Variants in DNER observed in about 807,000 individuals in gnomAD.
DNER encodes delta/notch like EGF repeat containing.
In DNER, 33 loss-of-function variants were observed where a neutral mutation model predicts 78.2. The observed-to-expected ratio is 0.42, with a 90% confidence interval of 0.32 to 0.56. The LOEUF is 0.56. Ranked by LOEUF, DNER falls within the 20% of genes least tolerant of loss-of-function variation. DNER has a pLI of 0.11. For missense variants in DNER, 918 were observed against 975.3 expected, an observed-to-expected ratio of 0.94 and a Z score of 0.78; for synonymous variants, 417 against 384.8, an observed-to-expected ratio of 1.08 and a Z score of -0.98.
chr2:229,445,932 G>C (rs963390994), intron 8 of DNER, among the ~76,000 whole-genome samples: 1 of 152,202 alleles, frequency 6.6e-6, no homozygotes, highest in African/African-American at 2.4e-5. Context: ...GGAATTAAGA[G>C]TCTATGTGAA....
chr2:229,522,259 A>T (rs1696114320), intron 5 of DNER, among the ~76,000 whole-genome samples: 1 of 152,188 alleles, frequency 6.6e-6, no homozygotes, highest in Non-Finnish European at 1.5e-5. Flanking sequence ...TCTTCCTAAA[A>T]CTAGATATGT....
chr2:229,616,847 C>T (rs1032166251), intron 1 of DNER, among the ~76,000 whole-genome samples: 1 of 152,218 alleles, frequency 6.6e-6, no homozygotes, highest in African/African-American at 2.4e-5. Context: ...TGGTGTTTAT[C>T]TGGACACGTG....
chr2:229,585,302 C>A (rs540687782), intron 4 of DNER, among the ~76,000 whole-genome samples: 1 of 152,354 alleles, frequency 6.6e-6, no homozygotes, highest in East Asian at 1.9e-4. Flanking sequence ...GATGCCTTCG[C>A]CAGGGCTGGA....
intron 1 of DNER, among the ~76,000 whole-genome samples, chr2:229,673,844 A>G (rs902805522): frequency 1.3e-4 from 20 of 152,234 alleles, no homozygotes; most frequent in African/African-American, 4.8e-4. Context: ...TCTGAGGCTG[A>G]CGCATACGGA....
chr2:229,551,985 T>C (rs1444901734), intron 4 of DNER, among the ~76,000 whole-genome samples: 1 of 151,734 alleles, frequency 6.6e-6, no homozygotes, highest in South Asian at 2.1e-4. Context: ...TATACAAATA[T>C]ATGTAGTGTG....
intron 12 of DNER, among the ~76,000 whole-genome samples, chr2:229,364,020 CAG>C (rs1231664069): frequency 2.0e-5 from 2 of 97,810 alleles, no homozygotes; most frequent in African/African-American, 8.2e-5. Flanking sequence ...TTTTCTGAGA[CAG>C]AGTCTCCCTC....
chr2:229,568,472 G>A (rs766657448), intron 4 of DNER, among the ~76,000 whole-genome samples: 16 of 152,110 alleles, frequency 1.1e-4, no homozygotes, highest in Non-Finnish European at 1.9e-4. Context: ...CTTATTTGTA[G>A]GAGTCAATCA....
chr2:229,617,004 TGAA>T (rs1411886288), intron 1 of DNER, among the ~76,000 whole-genome samples: 2 of 152,172 alleles, frequency 1.3e-5, no homozygotes, highest in African/African-American at 4.8e-5. Context: ...GCGCATCCAC[TGAA>T]GAAGAACCGA....
chr2:229,568,463 T>C (rs1233414654), intron 4 of DNER, among the ~76,000 whole-genome samples: 1 of 152,224 alleles, frequency 6.6e-6, no homozygotes, highest in Non-Finnish European at 1.5e-5. Context: ...GGATTCAGGC[T>C]TATTTGTAGG....
At chr2:229,422,792 G>A (rs1693794519) in intron 8 of DNER, among the ~76,000 whole-genome samples, 1 of 151,884 alleles carries the variant, frequency 6.6e-6, no homozygotes, top group Non-Finnish European at 1.5e-5. Flanking sequence ...AAAATGGAAG[G>A]GAAAAAAGAA....
intron 10 of DNER, among the ~76,000 whole-genome samples, chr2:229,389,486 G>T (rs1287716942): frequency 1.3e-5 from 2 of 152,104 alleles, no homozygotes; most frequent in Non-Finnish European, 2.9e-5. Flanking sequence ...GCCCTCCTTT[G>T]CTTAGATAAA....
chr2:229,366,726 T>A (rs1692355505), intron 12 of DNER, 147 bp downstream of exon 12: 4 of 1,269,156 alleles, frequency 3.2e-6, no homozygotes, highest in Admixed American at 2.5e-5. Flanking sequence ...AGTGGTCGAA[T>A]GATCTATCCC....
chr2:229,425,594 G>A (rs188122755), intron 8 of DNER, among the ~76,000 whole-genome samples: 37 of 152,204 alleles, frequency 2.4e-4, no homozygotes, highest in Non-Finnish European at 4.3e-4. Flanking sequence ...CAACACTGTC[G>A]CAAGGCAGGA....
chr2:229,465,668 CT>C (rs1441819464), intron 7 of DNER, among the ~76,000 whole-genome samples: 2 of 152,108 alleles, frequency 1.3e-5, no homozygotes, highest in East Asian at 3.9e-4. Flanking sequence ...AACAAGATCA[CT>C]TAGTGATTTG....
chr2:229,621,410 G>A (rs1361131479), intron 1 of DNER, among the ~76,000 whole-genome samples: 1 of 152,156 alleles, frequency 6.6e-6, no homozygotes, highest in Non-Finnish European at 1.5e-5. Context: ...TGGCCCCGAT[G>A]CTACTTCCCA....
At chr2:229,694,272 C>A (rs1438120953) in intron 1 of DNER, among the ~76,000 whole-genome samples, 1 of 152,214 alleles carries the variant, frequency 6.6e-6, no homozygotes, top group African/African-American at 2.4e-5. Flanking sequence ...AGGGGCAGAG[C>A]CCCCATGGAG....
At chr2:229,647,585 A>C (rs976415811) in intron 1 of DNER, among the ~76,000 whole-genome samples, 3 of 152,246 alleles carry the variant, frequency 2.0e-5, no homozygotes, top group Non-Finnish European at 4.4e-5. Context: ...AAATGTGCAC[A>C]AAGGTTTTTA....
At chr2:229,483,208 C>A (rs1171452139) in intron 6 of DNER, among the ~76,000 whole-genome samples, 11 of 152,172 alleles carry the variant, frequency 7.2e-5, no homozygotes, top group Admixed American at 2.0e-4. Flanking sequence ...CTCCCAGAAA[C>A]AACCTTAGTC....
chr2:229,598,412 AG>A (rs1234424122), intron 1 of DNER, among the ~76,000 whole-genome samples: 2 of 152,300 alleles, frequency 1.3e-5, no homozygotes, highest in Middle Eastern at 3.4e-3. Context: ...GCCCTTGAAA[AG>A]CTCACAGTCC....
Sources: allele counts gnomAD v4.1 joint callset (sites outside exome capture counted in the v4.1 genomes callset), GRCh38; gene constraint gnomAD v4.1.1; transcripts MANE v1.5; gene names NCBI Gene and HGNC (gene_info 2026-07-23, HGNC 2026-07-21).